The following PLAC1 variants were observed in gnomAD, a reference collection of about 807,000 sequenced individuals.
The protein encoded by PLAC1 is placenta-specific protein 1.
For missense variants in PLAC1, 136 were observed against 163.2 expected, an observed-to-expected ratio of 0.83 and a Z score of 0.91; for synonymous variants, 68 against 62.1, an observed-to-expected ratio of 1.09 and a Z score of -0.44.
intron 1 of PLAC1, among the ~76,000 whole-genome samples, chrX:134,758,524 C>T (rs942076442): frequency 4.5e-5 from 5 of 111,829 alleles, no homozygotes; most frequent in African/African-American, 1.6e-4. Flanking sequence ...TTTGACAAAG[C>T]CAGCAAGAAC....
intron 2 of PLAC1, among the ~76,000 whole-genome samples, chrX:134,732,258 C>A (rs2078690981): frequency 9.0e-6 from 1 of 111,319 alleles, no homozygotes; most frequent in Admixed American, 9.6e-5. Context: ...GCCATCAAGT[C>A]ATATCAATTT....
intron 2 of PLAC1, among the ~76,000 whole-genome samples, chrX:134,695,700 A>T (rs1218471460): frequency 1.8e-5 from 2 of 112,515 alleles, no homozygotes; most frequent in African/African-American, 6.5e-5. Context: ...TCATGGGAAT[A>T]TGTACCTTTG....
intron 2 of PLAC1, among the ~76,000 whole-genome samples, chrX:134,680,517 CCTAAACTAAACTGAA>C (rs2147815734): frequency 2.2e-5 from 2 of 90,611 alleles, no homozygotes; most frequent in African/African-American, 8.5e-5. Context: ...AGCAAGTATT[CCTAAACTAAACTGAA>C]CTAAACTAAA....
intron 1 of PLAC1, among the ~76,000 whole-genome samples, chrX:134,633,436 G>C (rs1191750034): frequency 9.0e-6 from 1 of 111,610 alleles, no homozygotes; most frequent in Non-Finnish European, 1.9e-5. Flanking sequence ...CGTATAGTTG[G>C]ATATATTTTC....
chrX:134,651,637 A>G (rs1207532932), intron 1 of PLAC1, among the ~76,000 whole-genome samples: 1 of 111,094 alleles, frequency 9.0e-6, no homozygotes, highest in Non-Finnish European at 1.9e-5. Flanking sequence ...GGTTCTCCCA[A>G]CTGTCCCTAC....
intron 1 of PLAC1, among the ~76,000 whole-genome samples, chrX:134,620,133 T>C (rs139095537): frequency 8.9e-6 from 1 of 112,337 alleles, no homozygotes; most frequent in East Asian, 2.8e-4. Context: ...CACAAGTCTG[T>C]TCCTGCTAAA....
intron 1 of PLAC1, among the ~76,000 whole-genome samples, chrX:134,751,981 A>G (rs987222949): frequency 8.9e-6 from 1 of 111,948 alleles, no homozygotes; most frequent in Non-Finnish European, 1.9e-5. Flanking sequence ...GTTAATTCCT[A>G]TGTCCCTTGC....
chrX:134,629,110 A>C (rs759610080), intron 1 of PLAC1, among the ~76,000 whole-genome samples: 3 of 111,723 alleles, frequency 2.7e-5, no homozygotes, highest in Non-Finnish European at 3.8e-5. Context: ...TCCAAGTCCC[A>C]CTTACATTGA....
At chrX:134,752,476 A>T (rs1161310357) in intron 1 of PLAC1, among the ~76,000 whole-genome samples, 1 of 111,874 alleles carries the variant, frequency 8.9e-6, no homozygotes, top group Non-Finnish European at 1.9e-5. Context: ...AACCTTTACC[A>T]GCATATGATG....
chrX:134,700,069 A>G (rs907881080), intron 2 of PLAC1, among the ~76,000 whole-genome samples: 2 of 111,509 alleles, frequency 1.8e-5, no homozygotes, highest in Middle Eastern at 4.7e-3. Context: ...TACCTCATAT[A>G]TCACTGCTCA....
In PLAC1 at chrX:134,578,503, CT is replaced by C. The variant is rs1344037732; in HGVS notation, c.-58-11764del. On this transcript the variant is annotated intron_variant, in intron 2 of 2. Transcript: ENST00000359237. Reference sequence around the variant, plus strand: ...CTGGGGGTGGGGCAGTGGAAATGGTCTTTCTTTCTTTCTTTTTTTTTTTTTT... The same window carrying C: ...CTGGGGGTGGGGCAGTGGAAATGGTCTTCTTTCTTTCTTTTTTTTTTTTTT... 2.0e-4 allele frequency among the ~76,000 whole-genome samples: 12 copies of C among 60,386 alleles called. No homozygotes were observed. In the South Asian group the frequency reaches 0.015, roughly 78 times the overall value. The allele number at this position is 60,386 out of a possible 115,157, so 52.4% of individuals were successfully genotyped here.
intron 1 of PLAC1, among the ~76,000 whole-genome samples, chrX:134,762,688 C>T (rs1020550114): frequency 1.9e-5 from 2 of 107,776 alleles, no homozygotes; most frequent in African/African-American, 3.4e-5. Flanking sequence ...ATTAGCCAGG[C>T]GCAGTGGCGG....
chrX:134,634,164 G>A (rs1329209043), intron 1 of PLAC1, among the ~76,000 whole-genome samples: 2 of 111,928 alleles, frequency 1.8e-5, no homozygotes, highest in Non-Finnish European at 3.8e-5. Flanking sequence ...AGGCTTATGG[G>A]TATTAACAAG....
At chrX:134,624,053 A>C (rs1032153638) in intron 1 of PLAC1, among the ~76,000 whole-genome samples, 1 of 111,885 alleles carries the variant, frequency 8.9e-6, no homozygotes, top group Non-Finnish European at 1.9e-5. Flanking sequence ...TAGGAAACTG[A>C]GGCTGAGAAA....
chrX:134,673,964 G>A (rs1441853256), intron 2 of PLAC1, among the ~76,000 whole-genome samples: 2 of 112,882 alleles, frequency 1.8e-5, no homozygotes, highest in African/African-American at 6.4e-5. Flanking sequence ...CAGATGAAAG[G>A]AAAAATGTTC....
chrX:134,609,874 C>T (rs1000247730), intron 1 of PLAC1, among the ~76,000 whole-genome samples: 1 of 112,091 alleles, frequency 8.9e-6, no homozygotes. Flanking sequence ...CCTCCAAATG[C>T]CATCACATTT....
chrX:134,687,815 C>CATAT (rs56675396), intron 2 of PLAC1, among the ~76,000 whole-genome samples: 42 of 31,139 alleles, frequency 1.3e-3, no homozygotes, highest in East Asian at 6.3e-3. Context: ...ACTGAGATAA[C>CATAT]ATATATATAT....
chrX:134,645,544 T>C (rs988859865), intron 1 of PLAC1, among the ~76,000 whole-genome samples: 1 of 111,654 alleles, frequency 9.0e-6, no homozygotes, highest in African/African-American at 3.3e-5. Context: ...GTTTGGCTGC[T>C]ACGCATTGTT....
chrX:134,678,597 C>A (rs946582853), intron 2 of PLAC1, among the ~76,000 whole-genome samples: 1 of 111,549 alleles, frequency 9.0e-6, no homozygotes, highest in African/African-American at 3.3e-5. Context: ...ATATAGTTAT[C>A]CATTTATTGT....
Sources: allele counts gnomAD v4.1 joint callset (sites outside exome capture counted in the v4.1 genomes callset), GRCh38; gene constraint gnomAD v4.1.1; transcripts MANE v1.5; gene names NCBI Gene and HGNC (gene_info 2026-07-23, HGNC 2026-07-21).